The following ZNF816 variants were observed in gnomAD, a reference collection of about 807,000 sequenced individuals.
ZNF816 encodes the protein zinc finger protein 816A.
ZNF816 carries 11 observed loss-of-function variants against 8.3 expected under a neutral mutation model. The observed-to-expected ratio is 1.32, with a 90% CI of 0.83 to 2.19. The LOEUF (loss-of-function observed/expected upper bound fraction) is 2.19. Among genes scored for constraint, ZNF816 ranks in the 30% most tolerant of loss-of-function variants. ZNF816 has a pLI of 0.00. For missense variants in ZNF816, 710 were observed against 779.3 expected (o/e 0.91, Z 1.06); for synonymous variants, 255 against 254.5 (o/e 1.00, Z -0.02).
intron 2 of ZNF816, 147 bp from the exon 3 acceptor site, chr19:52,953,024 C>A: frequency 7.2e-7 from 1 of 1,386,046 alleles, no homozygotes; most frequent in East Asian, 2.5e-5. Flanking sequence ...AACAATTTTT[C>A]AGTATAGTTG....
Position 52,961,196 on chromosome 19 carries a change from G to GT in ZNF816, c.-16+1530_-16+1531insA, listed in dbSNP as rs200375346. On this transcript the variant is annotated intron_variant, in intron 1 of 3. Coordinates refer to ENST00000444460, the MANE Select transcript of ZNF816 (RefSeq NM_001202457.3). ...CTACTATGGGTTATAACCCATCTAA[G>GT]CCTCCTGCAACCACCGTTTTTCAAA... Among the ~76,000 whole-genome samples, 1,019 of 152,232 alleles carry GT rather than the reference G, an allele frequency of 6.7e-3. 5 individuals are homozygous for GT. The highest frequency in any genetic ancestry group is 0.018 in the African/African-American group (733 of 41,534).
At chr19:52,955,854 G>A (rs192990746) in intron 2 of ZNF816, among the ~76,000 whole-genome samples, 173 bp downstream of exon 2, 6 of 152,280 alleles carry the variant, frequency 3.9e-5, no homozygotes, top group African/African-American at 1.4e-4. Context: ...CATGTCACTA[G>A]GTTATAGGAG....
chr19:52,952,033 T>C, intron 3 of ZNF816: 1 of 396,432 alleles, frequency 2.5e-6, no homozygotes, highest in East Asian at 3.6e-5. Context: ...TGATGAACAC[T>C]GTCACAGTGC....
In ZNF816 at chr19:52,950,062, C is replaced by T. The variant is rs145054991; in HGVS notation, c.1713G>A (p.Ala571=). Reference sequence around the variant, plus strand: ...GGATTCCTTTTTGATTAAAAACCTTCGCACATTTATTACACTTGTAAGGTT... The same window carrying T: ...GGATTCCTTTTTGATTAAAAACCTTTGCACATTTATTACACTTGTAAGGTT... ...GEKPYKCNKC[A]KVFNQKGILA... The change falls in exon 4 of 4, where the codon GCG becomes GCA. Residue 571 remains alanine (A), a synonymous_variant. Coordinates refer to ENST00000444460, the MANE Select transcript of ZNF816 (RefSeq NM_001202457.3). 3.8e-4 allele frequency: 607 copies of T among 1,613,060 alleles called. 2 individuals are homozygous for T. The African/African-American group carries it at 5.0e-3, about 13-fold the overall frequency.
At chr19:52,951,752 G>T in intron 3 of ZNF816, 168 bp from the exon 4 acceptor site, 2 of 674,508 alleles carry the variant, frequency 3.0e-6, no homozygotes, top group Non-Finnish European at 4.5e-6. Context: ...ACAAAAATTA[G>T]CCAGTCATGG....
chr19:52,954,307 C>T (rs961318154), intron 2 of ZNF816, among the ~76,000 whole-genome samples: 1 of 152,028 alleles, frequency 6.6e-6, no homozygotes, highest in African/African-American at 2.4e-5. Context: ...TTGCAGTGAG[C>T]CGATATCGTG....
rs150144819 is a variant in ZNF816 at position 52,954,869 on chromosome 19, C to T, written c.63+1158G>A. Among the ~76,000 whole-genome samples the T allele has an allele frequency of 2.4e-3, 353 of 144,168 alleles. 1 individual carries two copies. The Middle Eastern group carries it at 0.045, about 18-fold the overall frequency. The allele number at this position is 144,168 out of a possible 152,430, so 94.6% of individuals were successfully genotyped here. The stretch of plus-strand genomic sequence containing the variant: ...AATAATTTTTTCTAAAATCTCATAA[C>T]GGTATATGAATACATTTCTAAAGGA... On this transcript the variant is annotated intron_variant, in intron 2 of 3. Transcript: ENST00000444460.
intron 2 of ZNF816, among the ~76,000 whole-genome samples, chr19:52,955,134 TATA>T (rs2083498698): frequency 6.6e-6 from 1 of 152,106 alleles, no homozygotes; most frequent in Admixed American, 6.5e-5. Context: ...AGAGCAAACT[TATA>T]ATCATTTTTA....
chr19:52,962,512 G>C (rs1290948002), intron 1 of ZNF816, among the ~76,000 whole-genome samples: 1 of 152,138 alleles, frequency 6.6e-6, no homozygotes, highest in Non-Finnish European at 1.5e-5. Context: ...GGGCCGACTA[G>C]AGCGAGGCTG....
intron 2 of ZNF816, among the ~76,000 whole-genome samples, chr19:52,953,541 AATACAATATT>A (rs1472760633): frequency 4.4e-5 from 2 of 45,154 alleles, no homozygotes; most frequent in African/African-American, 4.8e-4. Context: ...TATAATATAT[AATACAATATT>A]ATATATAATA....
At position 52,949,819 on chromosome 19, in the gene ZNF816, T is replaced by A; in HGVS notation, c.1956A>T (p.Ter652TyrextTer1). ...IHGCRETLQM* is the reference protein window; with the variant it reads ...IHGCRETLQMY Reference sequence around the variant, plus strand: ...ATTACTGAAGACTTTGTGACAATCATTACATTTGTAAAGTTTCCCTACACC... The same window carrying A: ...ATTACTGAAGACTTTGTGACAATCAATACATTTGTAAAGTTTCCCTACACC... Residue 652 changes from the stop codon to tyrosine, a stop_lost, in exon 4 of 4, where the codon TAA (stop) becomes TAT (tyrosine). Coordinates refer to ENST00000444460, the MANE Select transcript of ZNF816 (RefSeq NM_001202457.3). 1 of 1,613,514 alleles carries A rather than the reference T, an allele frequency of 6.2e-7. No homozygotes were observed. Among genetic ancestry groups the A allele is most frequent in the Non-Finnish European group, 8.5e-7 (1 of 1,179,684 alleles).
Position 52,959,310 on chromosome 19 carries a change from T to C in ZNF816, c.-15-3206A>G, listed in dbSNP as rs190419038. Among the ~76,000 whole-genome samples, 311 of 152,346 alleles carry C rather than the reference T, an allele frequency of 2.0e-3. 1 individual carries two copies. Among genetic ancestry groups the C allele is most frequent in the African/African-American group, 7.2e-3 (298 of 41,576 alleles). On this transcript the variant is annotated intron_variant, in intron 1 of 3. Coordinates refer to ENST00000444460, the MANE Select transcript of ZNF816 (RefSeq NM_001202457.3). The stretch of plus-strand genomic sequence containing the variant: ...GAAAATCCCCACATAACCATTGAAG[T>C]TTGTAACACCCTGAACCCCGCCACC...
chr19:52,950,301 G>T lies in ZNF816; in HGVS notation c.1474C>A (p.Arg492=). 6.2e-7 allele frequency: 1 copy of T among 1,613,350 alleles called. No individual in the cohort carries two copies. Among genetic ancestry groups the T allele is most frequent in the Non-Finnish European group, 8.5e-7 (1 of 1,179,836 alleles). The change falls in exon 4 of 4, where the codon CGA becomes AGA. Residue 492 remains arginine (R), a synonymous_variant. Coordinates refer to ENST00000444460, the MANE Select transcript of ZNF816 (RefSeq NM_001202457.3). ...TGATGACGTGCAAGGTTTTCTCTTC[G>T]ACTAAAAACCTTGCCACATTCATTA... ...TCNECGKVFS[R]RENLARHHRL...
At chr19:52,951,968 A>G (rs12150933) in intron 3 of ZNF816, 157,726 of 404,630 alleles carry the variant, frequency 0.39, 33,217 homozygotes, top group African/African-American at 0.67. Context: ...GTCCTCCCTA[A>G]GAGGAATTTC....
intron 2 of ZNF816, chr19:52,953,145 C>T (rs2083473979): frequency 2.4e-6 from 1 of 411,156 alleles, no homozygotes; most frequent in Non-Finnish European, 4.0e-6. Context: ...CCTAAAATCC[C>T]AGCACTTTGT....
In ZNF816 at chr19:52,951,282, G is replaced by A; in HGVS notation, c.493C>T (p.Pro165Ser). 1 of 1,614,152 alleles carries A rather than the reference G, an allele frequency of 6.2e-7. No homozygotes were observed. Among genetic ancestry groups the A allele is most frequent in the Non-Finnish European group, 8.5e-7 (1 of 1,180,022 alleles). ...QLGLSFHSHL[P>S]ELHMFQTKGK... The stretch of plus-strand genomic sequence containing the variant: ...TTAGTCTGAAACATGTGGAGTTCAG[G>A]CAGATGCGAATGAAAGCTTAATCCA... Residue 165 changes from proline to serine, a missense_variant, in exon 4 of 4, where the codon CCT becomes TCT. Pro to Ser is a moderately conservative substitution (Grantham distance 74). Transcript: ENST00000444460.
rs2083435973 is a variant in ZNF816, at chr19:52,949,628, T to A, written c.*191A>T. 2.1e-6 allele frequency: 2 copies of A among 935,516 alleles called. No homozygotes were observed. Among genetic ancestry groups the A allele is most frequent in the South Asian group, 2.7e-5 (2 of 73,700 alleles). 58.0% of individuals were successfully genotyped at this position (935,516 alleles called of 1,614,324 possible). ...TCTATGTTTTGCATAGGATGAAGCT[T>A]GACTGAAGACCTTGTCACAGTCATG... On this transcript the variant is annotated 3_prime_UTR_variant, in exon 4 of 4. Transcript: ENST00000444460.
Position 52,950,426 on chromosome 19 carries a change from T to C in ZNF816, c.1349A>G (p.Glu450Gly). ...LAEHQRVHTG[E>G]KPYKCNKCGR... ...ACATTTATTACACTTGTATGGTTTC[T>C]CTCCAGTATGAACTCTCTGATGTTC... The change falls in exon 4 of 4, where the codon GAG (glutamate) becomes GGG (glycine). Residue 450 changes from glutamate to glycine, a missense_variant. By Grantham distance (98) the Glu-to-Gly change is moderately conservative. Transcript: ENST00000444460. 1.2e-6 allele frequency: 2 copies of C among 1,613,762 alleles called. No homozygotes were observed. The highest frequency in any genetic ancestry group is 1.7e-6 in the Non-Finnish European group (2 of 1,179,982).
intron 2 of ZNF816, chr19:52,953,509 T>TATATAATATATA (rs1555745117): frequency 8.4e-6 from 1 of 118,732 alleles, no homozygotes; most frequent in African/African-American, 4.0e-5. Flanking sequence ...TATTTAATTA[T>TATATAATATATA]ATATAATATA....
Sources: allele counts gnomAD v4.1 joint callset (sites outside exome capture counted in the v4.1 genomes callset), GRCh38; gene constraint gnomAD v4.1.1; transcripts MANE v1.5; gene names NCBI Gene and HGNC (gene_info 2026-07-23, HGNC 2026-07-21).